COL1A2: variants seen among roughly 807,000 people sequenced by gnomAD.
COL1A2 encodes collagen alpha-2(I) chain.
Under a neutral mutation model 174.3 loss-of-function variants are expected in COL1A2, and 49 were observed. The observed-to-expected ratio is 0.28, with a 90% CI of 0.22 to 0.36. The LOEUF (loss-of-function observed/expected upper bound fraction) is 0.36. Among genes scored for constraint, COL1A2 ranks in the 10% least tolerant of loss-of-function variants. The pLI is 1.00. For synonymous variants in COL1A2, 655 were observed against 606.6 expected (o/e 1.08, Z -1.17); for missense variants, 1,438 against 1,822.7 (o/e 0.79, Z 3.84).
chr7:94,413,489 T>C (rs1791974869), intron 26 of COL1A2, among the ~76,000 whole-genome samples: 1 of 152,242 alleles, frequency 6.6e-6, no homozygotes, highest in Non-Finnish European at 1.5e-5. Context: ...CCCATAAATA[T>C]ATATACCTAC....
In COL1A2 at chr7:94,427,841, G is replaced by T. The variant is rs542912072; in HGVS notation, c.3482G>T (p.Arg1161Leu). 5 of 1,614,114 alleles carry T rather than the reference G, an allele frequency of 3.1e-6. No individual in the cohort carries two copies. In the Middle Eastern group the frequency reaches 4.9e-4, roughly 160 times the overall value. ...TPEGSRKNPA[R>L]TCRDLRLSHP... Reference sequence around the variant, plus strand: ...GAAGGCTCTAGAAAGAACCCAGCTCGCACATGCCGTGACTTGAGACTCAGC... The same window carrying T: ...GAAGGCTCTAGAAAGAACCCAGCTCTCACATGCCGTGACTTGAGACTCAGC... The change falls in exon 49 of 52, where the codon CGC becomes CTC. Residue 1161 changes from arginine to leucine, a missense_variant. Physicochemically the swap from Arg to Leu is moderately radical, Grantham distance 102. Transcript: ENST00000297268.
intron 37 of COL1A2, 97 bp downstream of exon 37, chr7:94,420,745 T>C (rs944237642): frequency 1.2e-5 from 13 of 1,111,724 alleles, no homozygotes; most frequent in Non-Finnish European, 1.7e-5. Context: ...ACAGGGAATA[T>C]ACCAGATAGA....
At chr7:94,395,564 G>A (rs923587536) in intron 1 of COL1A2, 77 of 282,890 alleles carry the variant, frequency 2.7e-4, no homozygotes, top group African/African-American at 1.6e-3. Flanking sequence ...TATCTTCTGG[G>A]CATTGTAAGG....
intron 42 of COL1A2, 89 bp from the exon 43 acceptor site, chr7:94,425,521 G>A: frequency 7.6e-7 from 1 of 1,320,814 alleles, no homozygotes; most frequent in East Asian, 2.3e-5. Flanking sequence ...CTGAGCACTG[G>A]AAGTGATGAA....
chr7:94,398,497 A>G (rs1482382462), intron 3 of COL1A2, 101 bp downstream of exon 3: 3 of 482,700 alleles, frequency 6.2e-6, no homozygotes, highest in Non-Finnish European at 1.0e-5. Flanking sequence ...CTTTATCAAA[A>G]TTTTGTTCAT....
intron 6 of COL1A2, among the ~76,000 whole-genome samples, chr7:94,404,194 T>A (rs1018257147): frequency 1.3e-5 from 2 of 152,230 alleles, no homozygotes; most frequent in African/African-American, 2.4e-5. Flanking sequence ...ATCAAAGATA[T>A]CCAAATGGAC....
At chr7:94,427,553 A>C (rs984860191) in intron 48 of COL1A2, 74 bp from the exon 49 acceptor site, 2 of 1,551,770 alleles carry the variant, frequency 1.3e-6, no homozygotes, top group African/African-American at 2.7e-5. Context: ...AGCTCAACTG[A>C]AAATCTGCTG....
intron 24 of COL1A2, 51 bp from the exon 25 acceptor site, chr7:94,412,533 G>A (rs748446444): frequency 7.1e-7 from 1 of 1,405,340 alleles, no homozygotes; most frequent in Non-Finnish European, 1.0e-6. Flanking sequence ...TAAGCTTGAG[G>A]TTGTGAGAAT....
intron 21 of COL1A2, 93 bp from the exon 22 acceptor site, chr7:94,410,796 C>T: frequency 7.3e-7 from 1 of 1,364,892 alleles, no homozygotes; most frequent in South Asian, 1.2e-5. Flanking sequence ...CTGTATCTCC[C>T]CTGTAAGGAG....
In COL1A2 at chr7:94,405,211, A is replaced by G; in HGVS notation, c.445A>G (p.Lys149Glu). The G allele has an allele frequency of 6.2e-7, 1 of 1,613,984 alleles. No homozygotes were observed. Among genetic ancestry groups the G allele is most frequent in the Non-Finnish European group, 8.5e-7 (1 of 1,179,922 alleles). Reference sequence around the variant, plus strand: ...TTTTCATGTTTAGGGTCACCCTGGAAAACCCGGACGACCTGGTGAGAGAGG... The same window carrying G: ...TTTTCATGTTTAGGGTCACCCTGGAGAACCCGGACGACCTGGTGAGAGAGG... ...GKAGEDGHPGKPGRPGERGVV... is the reference protein window; with the variant it reads ...GKAGEDGHPGEPGRPGERGVV... The change falls in exon 10 of 52, where the codon AAA (lysine) becomes GAA (glutamate). Residue 149 changes from lysine to glutamate, a missense_variant. Physicochemically the swap from Lys to Glu is moderately conservative, Grantham distance 56. This residue lies in a region of COL1A2 where 281 missense variants were observed against 310.9 expected (regional missense o/e 0.90). Coordinates refer to ENST00000297268, the MANE Select transcript of COL1A2 (RefSeq NM_000089.4).
At position 94,405,736 on chromosome 7, in the gene COL1A2, T is replaced by C. The variant is rs766201727; in HGVS notation, c.540+10T>C. On this transcript the variant is annotated intron_variant, in intron 11 of 51. Coordinates refer to ENST00000297268, the MANE Select transcript of COL1A2 (RefSeq NM_000089.4). The stretch of plus-strand genomic sequence containing the variant: ...CTTCAAAGGCATTAGGGTGAGCACA[T>C]TCTTTACTCAGAAGAGAGAAAATGC... 2 of 1,610,798 alleles carry C rather than the reference T, an allele frequency of 1.2e-6. No individual in the cohort carries two copies.
chr7:94,408,849 C>T (rs767313603), intron 16 of COL1A2, 26 bp downstream of exon 16: 1 of 1,608,068 alleles, frequency 6.2e-7, no homozygotes. Flanking sequence ...ACCATTGTCA[C>T]TACTTTGATA....
rs749019761 is a variant in COL1A2 at position 94,421,892 on chromosome 7, C to A, written c.2350-7C>A. The stretch of plus-strand genomic sequence containing the variant: ...GACTGTGGAATTCTAATGTGCTTGG[C>A]TCTTAGGGTATGACTGGTTTCCCTG... On this transcript the variant is annotated splice_region_variant and splice_polypyrimidine_tract_variant and intron_variant, in intron 38 of 51. Transcript: ENST00000297268. The A allele has an allele frequency of 6.2e-7, 1 of 1,613,610 alleles. No homozygotes were observed. Among genetic ancestry groups the A allele is most frequent in the East Asian group, 2.2e-5 (1 of 44,828 alleles).
intron 1 of COL1A2, among the ~76,000 whole-genome samples, chr7:94,395,942 A>T (rs1006965934): frequency 1.3e-5 from 2 of 152,326 alleles, no homozygotes; most frequent in Admixed American, 6.5e-5. Context: ...AGCAAACATT[A>T]TGAACGCAGC....
chr7:94,414,243 C>G lies in COL1A2; in HGVS notation c.1687C>G (p.Pro563Ala). Reference protein sequence around the residue: ...GFQGLPGPSGPAGEVGKPGER... With the variant: ...GFQGLPGPSGAAGEVGKPGER... ...TTAGGGTCTGCCTGGCCCCTCAGGTCCCGCTGGTGAAGTTGGCAAACCAGG... is the reference window on the plus strand; with the variant it reads ...TTAGGGTCTGCCTGGCCCCTCAGGTGCCGCTGGTGAAGTTGGCAAACCAGG... Residue 563 changes from proline (P) to alanine (A), a missense_variant, in exon 29 of 52, where the codon CCC becomes GCC. Pro to Ala is a conservative substitution (Grantham distance 27, BLOSUM62 -1). Coordinates refer to ENST00000297268, the MANE Select transcript of COL1A2 (RefSeq NM_000089.4). 1 of 1,614,102 alleles carries G rather than the reference C, an allele frequency of 6.2e-7. No individual in the cohort carries two copies. Among genetic ancestry groups the G allele is most frequent in the Non-Finnish European group, 8.5e-7 (1 of 1,180,008 alleles).
intron 3 of COL1A2, among the ~76,000 whole-genome samples, 189 bp downstream of exon 3, chr7:94,398,585 T>TCATCTGTA (rs1791626749): frequency 6.6e-6 from 1 of 151,984 alleles, no homozygotes; most frequent in African/African-American, 2.4e-5. Flanking sequence ...TCTTCTGGAA[T>TCATCTGTA]CATCTGTAAT....
In COL1A2 at chr7:94,426,842, T is replaced by C; in HGVS notation, c.3106-166T>C. The C allele has an allele frequency of 4.4e-6, 3 of 675,008 alleles. No individual in the cohort carries two copies. The South Asian group carries it at 5.5e-5, about 12-fold the overall frequency. The allele number at this position is 675,008 out of a possible 1,614,324, so 41.8% of individuals were successfully genotyped here. On this transcript the variant is annotated intron_variant, in intron 46 of 51. Coordinates refer to ENST00000297268, the MANE Select transcript of COL1A2 (RefSeq NM_000089.4). ...CTGAAATAGGTTGTGAAAAAAAAAT[T>C]GAATATAATAGACATAATGGGAGAA...
chr7:94,414,060 A>T, intron 28 of COL1A2, 113 bp downstream of exon 28: 1 of 1,337,196 alleles, frequency 7.5e-7, no homozygotes, highest in South Asian at 1.2e-5. Context: ...GGACTGAAGC[A>T]AAGAAAGGTG....
At chr7:94,421,186 T>C (rs1329952330) in intron 38 of COL1A2, 124 bp downstream of exon 38, 2 of 936,676 alleles carry the variant, frequency 2.1e-6, no homozygotes, top group African/African-American at 3.3e-5. Flanking sequence ...TTCAAGTTCA[T>C]TCTATTCAGA....
Sources: gnomAD v4.1 joint callset for allele counts (sites outside exome capture counted in the v4.1 genomes callset) on GRCh38, gnomAD v4.1.1 for gene constraint, gnomAD v4.1.1 regional missense constraint, MANE v1.5 for transcripts, NCBI Gene and HGNC (gene_info 2026-07-23, HGNC 2026-07-21) for gene names.